The following STKLD1 variants were observed in gnomAD, a reference collection of about 807,000 sequenced individuals.
The protein encoded by STKLD1 is serine/threonine kinase-like domain-containing protein STKLD1.
In STKLD1, 79 loss-of-function variants were observed where a neutral mutation model predicts 80.4. The ratio of observed to expected loss-of-function variants is 0.98; its 90% CI spans 0.82 to 1.19. STKLD1 has a LOEUF of 1.19. Ranked by LOEUF, STKLD1 falls within the 50% of genes most tolerant of loss-of-function variation. The pLI, the probability that STKLD1 is intolerant of heterozygous loss-of-function variation, is 0.00. For synonymous variants in STKLD1, 393 were observed against 357.6 expected (o/e 1.10, Z -1.12); for missense variants, 841 against 856.0 (o/e 0.98, Z 0.22).
In STKLD1 at chr9:133,394,703, C is replaced by T; in HGVS notation, c.702+294C>T. Reference sequence around the variant, plus strand: ...GTCACTGACTCTTGATGGAGAAAAGCCAAGTTCAGGTGCCCTTGTGAGCAT... The same window carrying T: ...GTCACTGACTCTTGATGGAGAAAAGTCAAGTTCAGGTGCCCTTGTGAGCAT... On this transcript the variant is annotated intron_variant, in intron 8 of 17. Coordinates refer to ENST00000371957, the MANE Select transcript of STKLD1 (RefSeq NM_153710.5). This position sits in a 1 kb window ranked among gnomAD's most constrained non-coding sequence, Gnocchi z 4.9. The T allele has an allele frequency of 7.4e-6, 3 of 405,874 alleles. No individual in the cohort carries two copies. Among genetic ancestry groups the T allele is most frequent in the Non-Finnish European group, 1.4e-5 (3 of 219,486 alleles). 25.1% of individuals were successfully genotyped at this position (405,874 alleles called of 1,614,324 possible).
chr9:133,385,752 G>C lies in STKLD1; in HGVS notation c.294+61G>C. 1 of 1,521,106 alleles carries C rather than the reference G, an allele frequency of 6.6e-7. No homozygotes were observed. The highest frequency in any genetic ancestry group is 9.1e-7 in the Non-Finnish European group (1 of 1,100,090). 94.2% of individuals were successfully genotyped at this position (1,521,106 alleles called of 1,614,324 possible). A position where few individuals can be genotyped will look rare whatever the true frequency, so the allele number is the denominator to read the frequency against. On this transcript the variant is annotated intron_variant, in intron 4 of 17. Transcript: ENST00000371957. The surrounding 1 kb of genome is among the most constrained non-coding windows in gnomAD (Gnocchi z 4.9). ...ACGCAGTGGGCTGCAGGACCAAGCAGACTGAGCCCAGAGCACGCCCACCCC... is the reference window on the plus strand; with the variant it reads ...ACGCAGTGGGCTGCAGGACCAAGCACACTGAGCCCAGAGCACGCCCACCCC...
At position 133,396,395 on chromosome 9, in the gene STKLD1, G is replaced by A. The variant is rs1370276099; in HGVS notation, c.866+632G>A. On this transcript the variant is annotated intron_variant, in intron 9 of 17. Transcript: ENST00000371957. ...GGTTGTTGCAGTGAGCTGAGATCTC[G>A]CCACTGCACTTCAGCCTGGGTGACA... 8.6e-5 allele frequency among the ~76,000 whole-genome samples: 13 copies of A among 152,012 alleles called. 1 individual carries two copies. The highest frequency in any genetic ancestry group is 2.1e-4 in the South Asian group (1 of 4,826).
intron 2 of STKLD1, among the ~76,000 whole-genome samples, chr9:133,379,669 C>T (rs998090127): frequency 2.0e-5 from 3 of 152,228 alleles, no homozygotes; most frequent in African/African-American, 7.2e-5. Context: ...CTCACCAGGG[C>T]TAGCAGGGCA....
At chr9:133,386,352 G>A (rs2130277388) in intron 4 of STKLD1, among the ~76,000 whole-genome samples, 11 of 152,364 alleles carry the variant, frequency 7.2e-5, no homozygotes, top group African/African-American at 1.2e-4. Context: ...GGCTCTGCAC[G>A]CAGCCAACGA....
chr9:133,405,118 G>A, intron 17 of STKLD1, 134 bp from the exon 18 acceptor site: 1 of 1,319,966 alleles, frequency 7.6e-7, no homozygotes. Flanking sequence ...TGACGCTTGG[G>A]GCTCCGGAAC....
intron 17 of STKLD1, 81 bp from the exon 18 acceptor site, chr9:133,405,171 A>G: frequency 6.7e-7 from 1 of 1,491,202 alleles, no homozygotes. Context: ...GGGGAATGTG[A>G]CCCACTCTCA....
At position 133,394,141 on chromosome 9, in the gene STKLD1, T is replaced by A. The variant is rs1297768952; in HGVS notation, c.584-150T>A. On this transcript the variant is annotated intron_variant, in intron 7 of 17. Coordinates refer to ENST00000371957, the MANE Select transcript of STKLD1 (RefSeq NM_153710.5). This position sits in a 1 kb window ranked among gnomAD's most constrained non-coding sequence, Gnocchi z 4.9. ...CTCCCCACAGTTAATATTCTCCACCTCTTCTGAGAAGAGGACCTGCAGGGC... is the reference window on the plus strand; with the variant it reads ...CTCCCCACAGTTAATATTCTCCACCACTTCTGAGAAGAGGACCTGCAGGGC... 2 of 667,194 alleles carry A rather than the reference T, an allele frequency of 3.0e-6. No individual in the cohort carries two copies. The highest frequency in any genetic ancestry group is 1.8e-5 in the African/African-American group (1 of 55,720). The allele number at this position is 667,194 out of a possible 1,614,324, so 41.3% of individuals were successfully genotyped here. A position where few individuals can be genotyped will look rare whatever the true frequency, so the allele number is the denominator to read the frequency against.
Position 133,391,724 on chromosome 9 carries a change from T to A in STKLD1, c.583+928T>A, listed in dbSNP as rs2130290088. ...CTCAAGTACCCAGGGACACAAACAC[T>A]CTGCCTAGGAAAACCAGAGACCTTT... On this transcript the variant is annotated intron_variant, in intron 7 of 17. Transcript: ENST00000371957. Among the ~76,000 whole-genome samples, 38 of 151,682 alleles carry A rather than the reference T, an allele frequency of 2.5e-4. 1 individual carries two copies. In the South Asian group the frequency reaches 7.5e-3, roughly 30 times the overall value.
chr9:133,405,365 C>T lies in STKLD1; in HGVS notation c.1987C>T (p.Leu663Phe), dbSNP rs1838827023. 6.2e-7 allele frequency: 1 copy of T among 1,612,570 alleles called. No homozygotes were observed. Among genetic ancestry groups the T allele is most frequent in the Admixed American group, 1.7e-5 (1 of 60,012 alleles). ...CAGCAGCGCCTTCAGCAAACCAGGC[C>T]TCCCTCCAGGTGGAAGCCCCCAGCT... ...SDSSAFSKPG[L>F]PPGGSPQLGC... Residue 663 changes from leucine (L) to phenylalanine (F), a missense_variant, in exon 18 of 18, where the codon CTC becomes TTC. By Grantham distance (22) the Leu-to-Phe change is conservative. Coordinates refer to ENST00000371957, the MANE Select transcript of STKLD1 (RefSeq NM_153710.5).
In STKLD1 at chr9:133,376,579, G is replaced by C. The variant is rs2130249679; in HGVS notation, c.87+19G>C. On this transcript the variant is annotated intron_variant, in intron 1 of 17. Transcript: ENST00000371957. ...GTACCAGGTGCCGAGTGTTCCCTGC[G>C]GGGAGGCGGGAGCTCCGTGGGGTAA... The C allele has an allele frequency of 6.4e-7, 1 of 1,567,072 alleles. No homozygotes were observed. Among genetic ancestry groups the C allele is most frequent in the Non-Finnish European group, 8.6e-7 (1 of 1,159,402 alleles).
chr9:133,401,901 G>A (rs1300179861), intron 13 of STKLD1, 23 bp downstream of exon 13: 1 of 1,611,022 alleles, frequency 6.2e-7, no homozygotes, highest in Non-Finnish European at 8.5e-7. Flanking sequence ...GCCACCTCCT[G>A]CCCCACCCAC....
chr9:133,393,585 A>G (rs1588748391), intron 7 of STKLD1, among the ~76,000 whole-genome samples: 1 of 124,860 alleles, frequency 8.0e-6, no homozygotes, highest in African/African-American at 3.2e-5. Flanking sequence ...ATGTGGATGG[A>G]TGGGTGGGTG....
In STKLD1 at chr9:133,398,033, G is replaced by A. The variant is rs781813794; in HGVS notation, c.1059G>A (p.Leu353=). The change falls in exon 11 of 18, where the codon CTG becomes CTA. Residue 353 remains leucine, a synonymous_variant. Transcript: ENST00000371957. Reference sequence around the variant, plus strand: ...AGCTCAGGGCCATGAAGAGGCTTCTGAAAATGCCTGCAGATCAGCTAGGTA... The same window carrying A: ...AGCTCAGGGCCATGAAGAGGCTTCTAAAAATGCCTGCAGATCAGCTAGGTA... ...EVQLRAMKRL[L]KMPADQLGLP... The A allele has an allele frequency of 1.8e-5, 29 of 1,613,566 alleles. No individual in the cohort carries two copies. Among genetic ancestry groups the A allele is most frequent in the South Asian group, 1.3e-4 (12 of 91,050 alleles).
Position 133,389,328 on chromosome 9 carries a change from G to A in STKLD1, c.397-198G>A. 1 of 985,350 alleles carries A rather than the reference G, an allele frequency of 1.0e-6. No homozygotes were observed. Among genetic ancestry groups the A allele is most frequent in the Non-Finnish European group, 1.2e-6 (1 of 829,918 alleles). 61.0% of individuals were successfully genotyped at this position (985,350 alleles called of 1,614,324 possible). A position where few individuals can be genotyped will look rare whatever the true frequency, so the allele number is the denominator to read the frequency against. ...GAGTCTGGAAACTCAGAGTCCTTCT[G>A]GCTGCCGCCGCGGCTTTACCATCTG... is the stretch of plus-strand genomic sequence containing the variant. On this transcript the variant is annotated intron_variant, in intron 5 of 17. Transcript: ENST00000371957. This position sits in a 1 kb window ranked among gnomAD's most constrained non-coding sequence, Gnocchi z 6.4.
chr9:133,390,625 G>A lies in STKLD1; in HGVS notation c.468-56G>A. 7.3e-7 allele frequency: 1 copy of A among 1,360,916 alleles called. No individual in the cohort carries two copies. The highest frequency in any genetic ancestry group is 1.0e-6 in the Non-Finnish European group (1 of 952,602). 84.3% of individuals were successfully genotyped at this position (1,360,916 alleles called of 1,614,324 possible). On this transcript the variant is annotated intron_variant, in intron 6 of 17. Transcript: ENST00000371957. This position sits in a 1 kb window ranked among gnomAD's most constrained non-coding sequence, Gnocchi z 5.1. The stretch of plus-strand genomic sequence containing the variant: ...CTGGTCCCACCTGGGGTTGTGGGTG[G>A]TGGCTGCCCAGGTGGCCCCTTGGCA...
chr9:133,394,389 A>G lies in STKLD1; in HGVS notation c.682A>G (p.Thr228Ala). The G allele has an allele frequency of 1.2e-6, 2 of 1,613,326 alleles. No homozygotes were observed. The highest frequency in any genetic ancestry group is 1.7e-6 in the Non-Finnish European group (2 of 1,179,572). The change falls in exon 8 of 18, where the codon ACC (threonine) becomes GCC (alanine). Residue 228 changes from threonine to alanine, a missense_variant. Coordinates refer to ENST00000371957, the MANE Select transcript of STKLD1 (RefSeq NM_153710.5). The surrounding 1 kb of genome is among the most constrained non-coding windows in gnomAD (Gnocchi z 4.9). The stretch of plus-strand genomic sequence containing the variant: ...CCTGGGCTGCATCATTCTGGACATG[A>G]CCAGCTGCTCCTTCATGGATGTGAG... The part of the protein sequence containing the change: ...WSLGCIILDM[T>A]SCSFMDGTEA...
In STKLD1 at chr9:133,403,868, G is replaced by A. The variant is rs373360266; in HGVS notation, c.1603+40G>A. Reference sequence around the variant, plus strand: ...CGCCCTGGGCCCCTGGGGCTGGGAGGGGTGGGCCTCATGGCACAGCAGGCA... The same window carrying A: ...CGCCCTGGGCCCCTGGGGCTGGGAGAGGTGGGCCTCATGGCACAGCAGGCA... On this transcript the variant is annotated intron_variant, in intron 15 of 17. Transcript: ENST00000371957. 450 of 1,611,610 alleles carry A rather than the reference G, an allele frequency of 2.8e-4. 2 individuals carry two copies. The African/African-American group carries it at 5.6e-3, about 20-fold the overall frequency.
chr9:133,397,907 G>A (rs782292165), intron 10 of STKLD1, 65 bp from the exon 11 acceptor site: 67 of 1,403,258 alleles, frequency 4.8e-5, no homozygotes, highest in Non-Finnish European at 6.6e-5. Context: ...GTGTGGTGCC[G>A]AGAAACAGAG....
chr9:133,404,136 C>CA, intron 16 of STKLD1, 88 bp downstream of exon 16: 2 of 1,430,706 alleles, frequency 1.4e-6, no homozygotes, highest in Non-Finnish European at 1.9e-6. Context: ...TGCCACAAAC[C>CA]AAAAAACAGA....
Sources: allele counts gnomAD v4.1 joint callset (sites outside exome capture counted in the v4.1 genomes callset), GRCh38; gene constraint gnomAD v4.1.1; non-coding constraint Gnocchi (gnomAD v3.1); transcripts MANE v1.5; gene names NCBI Gene and HGNC (gene_info 2026-07-23, HGNC 2026-07-21).